CAPN3: variants seen among roughly 807,000 people sequenced by gnomAD.
CAPN3 encodes the protein calpain 3, also known as calpain-3.
A neutral mutation model predicts 114.0 loss-of-function variants in CAPN3; 88 were observed. The ratio of observed to expected loss-of-function variants is 0.77; its 90% CI spans 0.65 to 0.92. CAPN3 has a LOEUF of 0.92. Ranked by LOEUF, CAPN3 falls within the 40% of genes least tolerant of loss-of-function variation. The pLI is 0.00. For synonymous variants in CAPN3, 386 were observed against 382.9 expected (o/e 1.01, Z -0.09); for missense variants, 1,028 against 1,069.0 (o/e 0.96, Z 0.53).
At chr15:42,404,843 G>A in intron 14 of CAPN3, 1 of 1,072,268 alleles carries the variant, frequency 9.3e-7, no homozygotes, top group Non-Finnish European at 1.1e-6. Context: ...CAGGCGATTG[G>A]TTTTAGTGGT....
intron 10 of CAPN3, 121 bp from the exon 11 acceptor site, chr15:42,401,520 C>T: frequency 2.5e-6 from 1 of 404,010 alleles, no homozygotes; most frequent in Non-Finnish European, 4.8e-6. Context: ...ATCGTGTTTT[C>T]TGTTGATATT....
intron 16 of CAPN3, chr15:42,408,662 C>T: frequency 2.7e-6 from 1 of 373,846 alleles, no homozygotes; most frequent in Non-Finnish European, 5.2e-6. Flanking sequence ...TGGCCTTGAG[C>T]ATTTCACAAT....
intron 17 of CAPN3, 102 bp downstream of exon 17, chr15:42,409,482 T>G (rs1183759760): frequency 1.7e-6 from 2 of 1,180,516 alleles, no homozygotes; most frequent in African/African-American, 3.0e-5. Flanking sequence ...AGAGGTCACT[T>G]TGGACTTTGG....
At chr15:42,395,557 G>C (rs2053665985) in intron 8 of CAPN3, among the ~76,000 whole-genome samples, 1 of 152,180 alleles carries the variant, frequency 6.6e-6, no homozygotes, top group African/African-American at 2.4e-5. Flanking sequence ...AGTGACATTG[G>C]AACTGTGCTC....
Position 42,402,710 on chromosome 15 carries a change from G to GA in CAPN3, c.1537-82dup. 5.1e-6 allele frequency: 8 copies of GA among 1,583,000 alleles called. No homozygotes were observed. In the South Asian group the frequency reaches 8.9e-5, roughly 18 times the overall value. ...GTGACATGGGTGACCAGGGAGTTGG[G>GA]AAGGGACCCTTGGAGGTGGCTGTGG... On this transcript the variant is annotated intron_variant, in intron 12 of 23. Coordinates refer to ENST00000397163, the MANE Select transcript of CAPN3 (RefSeq NM_000070.3).
At chr15:42,386,917 G>A (rs967731551) in intron 3 of CAPN3, among the ~76,000 whole-genome samples, 31 of 152,070 alleles carry the variant, frequency 2.0e-4, no homozygotes, top group Admixed American at 1.8e-3. Flanking sequence ...GGATGCTGGG[G>A]AGTCAGCCTG....
chr15:42,402,654 CT>C (rs2141202322), intron 12 of CAPN3, 139 bp from the exon 13 acceptor site: 1 of 1,545,116 alleles, frequency 6.5e-7, no homozygotes, highest in Admixed American at 1.9e-5. Flanking sequence ...CTATTTAAGC[CT>C]TGGGAGTCGG....
Position 42,411,876 on chromosome 15 carries a change from CT to C in CAPN3, c.*104del. The stretch of plus-strand genomic sequence containing the variant: ...CTCAAAGGACCCAGCAGCTACACCC[CT>C]ACAGGCTTCCAGGCACCTCATCAGT... On this transcript the variant is annotated 3_prime_UTR_variant, in exon 24 of 24. Coordinates refer to ENST00000397163, the MANE Select transcript of CAPN3 (RefSeq NM_000070.3). 5 of 1,601,208 alleles carry C rather than the reference CT, an allele frequency of 3.1e-6. No individual in the cohort carries two copies. The highest frequency in any genetic ancestry group is 4.3e-6 in the Non-Finnish European group (5 of 1,173,548).
intron 12 of CAPN3, chr15:42,402,467 A>T: frequency 7.0e-7 from 1 of 1,426,066 alleles, no homozygotes; most frequent in South Asian, 1.5e-5. Context: ...GGATGGAGGA[A>T]TCACTTCCCT....
chr15:42,363,237 G>GCATTGAAA (rs2052692000), intron 1 of CAPN3, among the ~76,000 whole-genome samples: 1 of 152,072 alleles, frequency 6.6e-6, no homozygotes, highest in Non-Finnish European at 1.5e-5. Flanking sequence ...CAAACAATCT[G>GCATTGAAA]GTTCCTCTAG....
chr15:42,369,671 T>A (rs189655918), intron 1 of CAPN3, among the ~76,000 whole-genome samples: 184 of 152,254 alleles, frequency 1.2e-3, no homozygotes, highest in African/African-American at 4.3e-3. Context: ...TATCCCTTTC[T>A]TGTTTTCTGG....
At chr15:42,392,541 C>T (rs1361540269) in intron 6 of CAPN3, 98 bp from the exon 7 acceptor site, 3 of 930,588 alleles carry the variant, frequency 3.2e-6, no homozygotes, top group African/African-American at 3.3e-5. Flanking sequence ...TCTGTGTCTT[C>T]ACAGAGCCCG....
At chr15:42,372,451 G>A (rs1041850625) in intron 1 of CAPN3, among the ~76,000 whole-genome samples, 4 of 152,172 alleles carry the variant, frequency 2.6e-5, no homozygotes, top group African/African-American at 9.7e-5. Context: ...GAACCACTGC[G>A]CCCAGCCTGC....
rs1163703111 is a variant in CAPN3, at chr15:42,394,354, AC to A, written c.1115+17del. 6.4e-7 allele frequency: 1 copy of A among 1,553,160 alleles called. No individual in the cohort carries two copies. Among genetic ancestry groups the A allele is most frequent in the Admixed American group, 2.0e-5 (1 of 51,260 alleles). On this transcript the variant is annotated intron_variant, in intron 8 of 23. Coordinates refer to ENST00000397163, the MANE Select transcript of CAPN3 (RefSeq NM_000070.3). ...CTTGGAGTGATAGGTAGGTGAGGGG[AC>A]CCCACGGGATTGGCGGTGGCGGGGA...
intron 1 of CAPN3, among the ~76,000 whole-genome samples, chr15:42,362,829 TA>T (rs1466792504): frequency 6.6e-6 from 1 of 152,190 alleles, no homozygotes; most frequent in Non-Finnish European, 1.5e-5. Flanking sequence ...CAGTTCTCCA[TA>T]AACTTCTTCA....
chr15:42,373,913 T>A (rs1383369382), intron 1 of CAPN3, among the ~76,000 whole-genome samples: 2 of 152,182 alleles, frequency 1.3e-5, no homozygotes, highest in Admixed American at 1.3e-4. Context: ...ATCACCAGTG[T>A]CAAAGGCATG....
At chr15:42,384,427 A>G (rs1352628329) in intron 1 of CAPN3, 56 bp from the exon 2 acceptor site, 3 of 1,252,948 alleles carry the variant, frequency 2.4e-6, no homozygotes, top group African/African-American at 2.9e-5. Flanking sequence ...ATACCTATCT[A>G]TCTATCTGTC....
chr15:42,411,183 C>T, intron 22 of CAPN3, 104 bp from the exon 23 acceptor site: 2 of 1,077,546 alleles, frequency 1.9e-6, no homozygotes, highest in South Asian at 1.2e-5. Context: ...CATCTTTGTG[C>T]TGATGAGGGA....
chr15:42,411,689 G>GGA, intron 23 of CAPN3, 58 bp from the exon 24 acceptor site: 1 of 42,828 alleles, frequency 2.3e-5, no homozygotes, highest in Non-Finnish European at 3.8e-5. Context: ...TTCCTAGGGC[G>GGA]GGGGGGGGGG....
Sources: allele counts gnomAD v4.1 joint callset (sites outside exome capture counted in the v4.1 genomes callset), GRCh38; gene constraint gnomAD v4.1.1; transcripts MANE v1.5; gene names NCBI Gene and HGNC (gene_info 2026-07-23, HGNC 2026-07-21).